BCL6: variants seen among roughly 807,000 people sequenced by gnomAD.
BCL6 encodes B-cell lymphoma 6 protein.
In BCL6, 7 loss-of-function variants were observed where a neutral mutation model predicts 59.5. That is an observed-to-expected ratio of 0.12 (90% CI 0.07 to 0.22). The LOEUF is 0.22. Among genes scored for constraint, BCL6 ranks in the 10% least tolerant of loss-of-function variants. The pLI is 1.00. For missense variants in BCL6, 685 were observed against 939.4 expected (o/e 0.73, Z 3.54); for synonymous variants, 339 against 349.7 (o/e 0.97, Z 0.34).
At chr3:187,744,916 G>A (rs1711840984) in intron 1 of BCL6, among the ~76,000 whole-genome samples, 1 of 152,236 alleles carries the variant, frequency 6.6e-6, no homozygotes, top group African/African-American at 2.4e-5. Flanking sequence ...GAGCGAGAGC[G>A]CGAGCGCGCG....
chr3:187,745,181 C>G (rs548869314), intron 1 of BCL6, among the ~76,000 whole-genome samples: 3 of 152,184 alleles, frequency 2.0e-5, no homozygotes, highest in South Asian at 2.1e-4. Context: ...TGGGACTAAT[C>G]TTCGGCATTT....
At chr3:187,730,255 T>C (rs1282786431) in intron 4 of BCL6, among the ~76,000 whole-genome samples, 1 of 152,222 alleles carries the variant, frequency 6.6e-6, no homozygotes, top group Non-Finnish European at 1.5e-5. Context: ...CGGCATGATC[T>C]ATGCCTGATT....
intron 9 of BCL6, among the ~76,000 whole-genome samples, chr3:187,723,962 T>A (rs944900467): frequency 2.0e-5 from 3 of 152,238 alleles, no homozygotes; most frequent in African/African-American, 7.2e-5. Flanking sequence ...TAGATACTAT[T>A]TTCAAACTCA....
At chr3:187,731,497 C>A (rs975585519) in intron 4 of BCL6, among the ~76,000 whole-genome samples, 2 of 151,794 alleles carry the variant, frequency 1.3e-5, no homozygotes, top group African/African-American at 2.4e-5. Context: ...AAGCAAGATG[C>A]GGTAATGCAT....
intron 1 of BCL6, chr3:187,736,943 C>G (rs3774304): frequency 0.49 from 75,089 of 152,114 alleles, 21,991 homozygotes; most frequent in East Asian, 0.74. Context: ...ACTGAGGCTC[C>G]GGGTGAGAGG....
intron 1 of BCL6, among the ~76,000 whole-genome samples, chr3:187,744,731 T>G (rs77764326): frequency 4.0e-5 from 6 of 151,848 alleles, no homozygotes; most frequent in South Asian, 4.2e-4. Context: ...CTCCCGGAGT[T>G]ACCCAGAAGG....
Position 187,739,341 on chromosome 3 carries a change from G to A in BCL6, c.-49-4434C>T, listed in dbSNP as rs551359812. 7.9e-5 allele frequency among the ~76,000 whole-genome samples: 12 copies of A among 152,324 alleles called. No individual in the cohort carries two copies. The South Asian group carries it at 2.1e-3, about 26-fold the overall frequency. ...CAGTGTTTCAGCCAACTAGCTGCAC[G>A]GCTGCAGACACCACCGTGGTCCGGC... On this transcript the variant is annotated intron_variant, in intron 1 of 9. Transcript: ENST00000406870.
intron 9 of BCL6, among the ~76,000 whole-genome samples, chr3:187,722,943 A>T (rs1718498890): frequency 2.0e-5 from 3 of 152,198 alleles, no homozygotes; most frequent in African/African-American, 7.2e-5. Context: ...AAGGATGAAA[A>T]TAATCCTTGT....
intron 1 of BCL6, among the ~76,000 whole-genome samples, chr3:187,744,756 G>T (rs1012064483): frequency 6.6e-6 from 1 of 152,192 alleles, no homozygotes; most frequent in South Asian, 2.1e-4. Context: ...GGGAAGGGAA[G>T]GAAGAAGAGG....
rs1174732752 is a variant in BCL6, at chr3:187,725,399, T to C, written c.1839+100A>G. 4 of 1,563,780 alleles carry C rather than the reference T, an allele frequency of 2.6e-6. No homozygotes were observed. The highest frequency in any genetic ancestry group is 1.8e-5 in the Admixed American group (1 of 54,948). On this transcript the variant is annotated intron_variant, in intron 8 of 9. Coordinates refer to ENST00000406870, the MANE Select transcript of BCL6 (RefSeq NM_001706.5). The surrounding 1 kb of genome is among the most constrained non-coding windows in gnomAD (Gnocchi z 4.7). ...CTGCCCGCTCCGCTTGCCTGCCCGC[T>C]CCACTTGCCTGCCCACTCCTCCGCT...
intron 1 of BCL6, among the ~76,000 whole-genome samples, chr3:187,744,317 C>T (rs950188799): frequency 2.0e-5 from 3 of 152,234 alleles, no homozygotes; most frequent in Non-Finnish European, 2.9e-5. Context: ...AGTGCGCACC[C>T]CTTTCCCACC....
chr3:187,731,906 T>G lies in BCL6; in HGVS notation c.186A>C (p.Thr62=). 6.2e-7 allele frequency: 1 copy of G among 1,614,102 alleles called. No homozygotes were observed. Among genetic ancestry groups the G allele is most frequent in the Non-Finnish European group, 8.5e-7 (1 of 1,179,954 alleles). Residue 62 remains threonine (T), a synonymous_variant, in exon 4 of 10, where the codon ACA becomes ACC. Transcript: ENST00000406870. ...CACTAAGGTTGCATTTCAACTGGTC[T>G]GTAAAGATGCTATAGAACAGGCCAC... ...ACSGLFYSIF[T]DQLKCNLSVI...
chr3:187,745,111 C>G (rs1560161659), intron 1 of BCL6, among the ~76,000 whole-genome samples: 2 of 152,232 alleles, frequency 1.3e-5, no homozygotes, highest in Admixed American at 6.5e-5. Context: ...CCGATTCACT[C>G]AAAGACAACA....
At chr3:187,744,814 A>T (rs1711824488) in intron 1 of BCL6, among the ~76,000 whole-genome samples, 1 of 152,276 alleles carries the variant, frequency 6.6e-6, no homozygotes, top group African/African-American at 2.4e-5. Context: ...GCGACGGAGC[A>T]AGGAAAGCAG....
intron 1 of BCL6, among the ~76,000 whole-genome samples, chr3:187,745,189 T>A (rs1711879728): frequency 2.0e-5 from 3 of 152,276 alleles, no homozygotes; most frequent in South Asian, 4.1e-4. Context: ...ATCTTCGGCA[T>A]TTATTTTAAC....
chr3:187,737,007 T>A (rs1410034125), intron 1 of BCL6: 1 of 152,060 alleles, frequency 6.6e-6, no homozygotes, highest in Admixed American at 6.6e-5. Flanking sequence ...ACGCCGCGTC[T>A]CCTAGATTCA....
At chr3:187,744,335 A>G (rs1711769196) in intron 1 of BCL6, among the ~76,000 whole-genome samples, 2 of 151,524 alleles carry the variant, frequency 1.3e-5, no homozygotes, top group Admixed American at 6.6e-5. Context: ...ACCCACCCCA[A>G]GAAGCCCTGT....
chr3:187,743,791 C>T (rs1321637899), intron 1 of BCL6, among the ~76,000 whole-genome samples: 1 of 151,448 alleles, frequency 6.6e-6, no homozygotes, highest in Non-Finnish European at 1.5e-5. Flanking sequence ...ACTCTACCCA[C>T]TCCCTCCCCG....
At chr3:187,727,973 T>C (rs574894544) in intron 6 of BCL6, among the ~76,000 whole-genome samples, 4 of 152,344 alleles carry the variant, frequency 2.6e-5, no homozygotes, top group East Asian at 1.9e-4. Flanking sequence ...TAAGGTCAGA[T>C]GCTTCTCCTT....
Sources: gnomAD v4.1 joint callset for allele counts (sites outside exome capture counted in the v4.1 genomes callset) on GRCh38, gnomAD v4.1.1 for gene constraint, Gnocchi (gnomAD v3.1) non-coding constraint, MANE v1.5 for transcripts, NCBI Gene and HGNC (gene_info 2026-07-23, HGNC 2026-07-21) for gene names.